NRXN1: variants seen among roughly 807,000 people sequenced by gnomAD.
The protein encoded by NRXN1 is neurexin 1, also known as neurexin-1.
NRXN1 carries 39 observed loss-of-function variants against 150.9 expected under a neutral mutation model. The ratio of observed to expected loss-of-function variants is 0.26; its 90% confidence interval spans 0.20 to 0.34. The LOEUF is 0.34. Among genes scored for constraint, NRXN1 ranks in the 10% least tolerant of loss-of-function variants. The pLI is 1.00. For missense variants in NRXN1, 1,815 were observed against 1,949.9 expected (o/e 0.93, Z 1.30); for synonymous variants, 924 against 757.0 (o/e 1.22, Z -3.62).
chr2:50,903,650 C>T (rs1208915356), intron 5 of NRXN1, among the ~76,000 whole-genome samples: 1 of 152,148 alleles, frequency 6.6e-6, no homozygotes, highest in Non-Finnish European at 1.5e-5. Flanking sequence ...CTTGTATCTT[C>T]TCCTAATGGA....
At chr2:49,955,109 T>C (rs1420453899) in intron 21 of NRXN1, among the ~76,000 whole-genome samples, 1 of 152,196 alleles carries the variant, frequency 6.6e-6, no homozygotes, top group African/African-American at 2.4e-5. Flanking sequence ...TTGAATTTAC[T>C]AGAATCATCA....
intron 21 of NRXN1, among the ~76,000 whole-genome samples, chr2:49,945,601 T>C (rs917606622): frequency 3.3e-5 from 5 of 152,070 alleles, no homozygotes; most frequent in African/African-American, 1.2e-4. Flanking sequence ...TGTGTTCTCA[T>C]TGTTCAACTC....
chr2:50,423,849 AAATATGAG>A (rs990418873), intron 17 of NRXN1, among the ~76,000 whole-genome samples: 7 of 152,120 alleles, frequency 4.6e-5, no homozygotes, highest in Non-Finnish European at 8.8e-5. Flanking sequence ...GCAAAGATCT[AAATATGAG>A]AGGGAGCCAG....
chr2:50,515,475 T>C (rs2092601111), intron 12 of NRXN1, among the ~76,000 whole-genome samples: 1 of 152,140 alleles, frequency 6.6e-6, no homozygotes, highest in South Asian at 2.1e-4. Context: ...GCCAAAAAGT[T>C]TGGAGACCAC....
chr2:50,179,281 T>A (rs1209183009), intron 18 of NRXN1, among the ~76,000 whole-genome samples: 3 of 152,142 alleles, frequency 2.0e-5, no homozygotes, highest in Non-Finnish European at 4.4e-5. Context: ...CACATCAGCA[T>A]ATTAGCCACA....
chr2:49,992,657 T>C (rs1466263682), intron 21 of NRXN1, among the ~76,000 whole-genome samples: 1 of 151,894 alleles, frequency 6.6e-6, no homozygotes, highest in East Asian at 1.9e-4. Flanking sequence ...TAGCAAAAAA[T>C]ACTTGCAAAA....
intron 18 of NRXN1, among the ~76,000 whole-genome samples, chr2:50,104,943 A>G (rs1409739411): frequency 6.6e-6 from 1 of 151,968 alleles, no homozygotes; most frequent in South Asian, 2.1e-4. Flanking sequence ...TCTCACAATA[A>G]CTCATTTTGC....
chr2:50,472,461 A>G lies in NRXN1; in HGVS notation c.3081T>C (p.Tyr1027=). 2.5e-6 allele frequency: 4 copies of G among 1,610,572 alleles called. No homozygotes were observed. Among genetic ancestry groups the G allele is most frequent in the Non-Finnish European group, 2.5e-6 (3 of 1,177,762 alleles). The change falls in exon 16 of 23, where the codon TAT becomes TAC. Residue 1027 remains tyrosine (Y), a synonymous_variant. Transcript: ENST00000401669. Reference sequence around the variant, plus strand: ...ATGTTTCTTTAGCTACTCCTCCTATATATAAGTCACCTGCAAGAAGATCAA... The same window carrying G: ...ATGTTTCTTTAGCTACTCCTCCTATGTATAAGTCACCTGCAAGAAGATCAA... ...ARNLDLKSDL[Y]IGGVAKETYK... is the part of the protein sequence containing the mutation.
intron 17 of NRXN1, among the ~76,000 whole-genome samples, chr2:50,397,190 C>G (rs558392936): frequency 6.6e-6 from 1 of 151,976 alleles, no homozygotes; most frequent in African/African-American, 2.4e-5. Flanking sequence ...AGAATCTGGT[C>G]GATGCATTTT....
intron 5 of NRXN1, among the ~76,000 whole-genome samples, chr2:50,894,738 ATATGT>A (rs1489933380): frequency 3.9e-5 from 6 of 152,152 alleles, no homozygotes; most frequent in African/African-American, 1.2e-4. Context: ...AACAAAAAGT[ATATGT>A]TATATTACTG....
At position 50,538,594 on chromosome 2, in the gene NRXN1, G is replaced by A; in HGVS notation, c.1802C>T (p.Pro601Leu). Residue 601 changes from proline (P) to leucine (L), a missense_variant, in exon 10 of 23, where the codon CCT becomes CTT. Around this residue, in one of 6 missense-constraint regions of NRXN1, gnomAD observed 638 missense variants for 652.6 expected, o/e 0.98. Coordinates refer to ENST00000401669, the MANE Select transcript of NRXN1 (RefSeq NM_001330078.2). ...VNTLRTPYTAPGESEILDLDD... is the reference protein window; with the variant it reads ...VNTLRTPYTALGESEILDLDD... ...CAGGTCCAGAATCTCACTCTCACCA[G>A]GAGCAGTGTAGGGAGTACGCAACGT... 6.4e-7 allele frequency: 1 copy of A among 1,550,884 alleles called. No homozygotes were observed. The highest frequency in any genetic ancestry group is 8.7e-7 in the Non-Finnish European group (1 of 1,147,366).
At chr2:50,668,365 G>C (rs1165753919) in intron 5 of NRXN1, among the ~76,000 whole-genome samples, 1 of 151,650 alleles carries the variant, frequency 6.6e-6, no homozygotes, top group East Asian at 1.9e-4. Flanking sequence ...ATTTTTGTTT[G>C]CTTCTTTACA....
At chr2:50,508,426 A>AC (rs397788024) in intron 12 of NRXN1, among the ~76,000 whole-genome samples, 5 of 150,946 alleles carry the variant, frequency 3.3e-5, no homozygotes, top group Non-Finnish European at 7.4e-5. Context: ...AAAAAAAAAA[A>AC]CTCTTTCTAA....
intron 8 of NRXN1, among the ~76,000 whole-genome samples, chr2:50,556,090 C>T (rs1292291217): frequency 6.6e-6 from 1 of 152,108 alleles, no homozygotes; most frequent in Non-Finnish European, 1.5e-5. Context: ...CTTTGAAAGG[C>T]TACTCCAGAA....
chr2:50,550,930 C>T (rs915348617), intron 9 of NRXN1, among the ~76,000 whole-genome samples: 31 of 151,820 alleles, frequency 2.0e-4, no homozygotes, highest in Non-Finnish European at 2.1e-4. Context: ...ATCTGCCTGC[C>T]TTGGCCTCCC....
intron 8 of NRXN1, chr2:50,589,016 T>C (rs1244581862): frequency 1.3e-5 from 2 of 152,196 alleles, no homozygotes; most frequent in Non-Finnish European, 2.9e-5. Flanking sequence ...TGTTACGATA[T>C]GGGAAATTAT....
chr2:50,636,314 G>C (rs978045916), intron 5 of NRXN1, among the ~76,000 whole-genome samples: 4 of 152,076 alleles, frequency 2.6e-5, no homozygotes, highest in Non-Finnish European at 5.9e-5. Flanking sequence ...TGAAACACTG[G>C]TTTCTTCTTG....
At chr2:50,625,339 G>A (rs79115942) in intron 5 of NRXN1, among the ~76,000 whole-genome samples, 9,964 of 152,022 alleles carry the variant, frequency 0.066, 443 homozygotes, top group Non-Finnish European at 0.093. Flanking sequence ...ACCAGGAATT[G>A]AGCCCTGGAA....
At chr2:50,559,739 T>C (rs1668775622) in intron 8 of NRXN1, among the ~76,000 whole-genome samples, 1 of 152,166 alleles carries the variant, frequency 6.6e-6, no homozygotes, top group Non-Finnish European at 1.5e-5. Context: ...TCTCAACAGA[T>C]ATATAGATAA....
Sources: allele counts gnomAD v4.1 joint callset (sites outside exome capture counted in the v4.1 genomes callset), GRCh38; gene constraint gnomAD v4.1.1; regional missense constraint gnomAD v4.1.1; transcripts MANE v1.5; gene names NCBI Gene and HGNC (gene_info 2026-07-23, HGNC 2026-07-21).